Variants in CAMK4 observed in about 807,000 individuals in gnomAD.
The protein encoded by CAMK4 is calcium/calmodulin-dependent protein kinase type IV.
A neutral mutation model predicts 44.9 loss-of-function variants in CAMK4; 22 were observed. The observed-to-expected ratio is 0.49, with a 90% CI of 0.35 to 0.70. The LOEUF (loss-of-function observed/expected upper bound fraction) is 0.70, where lower values mean the gene tolerates loss of function less well. Among genes scored for constraint, CAMK4 ranks in the 30% least tolerant of loss-of-function variants. CAMK4 has a pLI of 0.01. For synonymous variants in CAMK4, 218 were observed against 215.4 expected (o/e 1.01, Z -0.11); for missense variants, 498 against 586.8 (o/e 0.85, Z 1.56).
intron 7 of CAMK4, among the ~76,000 whole-genome samples, chr5:111,461,730 G>A (rs1754648337): frequency 7.0e-6 from 1 of 142,502 alleles, no homozygotes; most frequent in African/African-American, 2.6e-5. Context: ...GCACAGTTTA[G>A]AGAGACTCTA....
intron 1 of CAMK4, among the ~76,000 whole-genome samples, chr5:111,322,125 T>C (rs1276303661): frequency 1.3e-5 from 2 of 152,080 alleles, no homozygotes; most frequent in African/African-American, 4.8e-5. Context: ...TAAAGGGCTG[T>C]GATCATTGAG....
intron 5 of CAMK4, among the ~76,000 whole-genome samples, chr5:111,409,327 G>A (rs1378841422): frequency 6.6e-6 from 1 of 152,210 alleles, no homozygotes; most frequent in Non-Finnish European, 1.5e-5. Context: ...AAGGCTTGGG[G>A]CTTGCACCTT....
chr5:111,358,613 T>C (rs1237454113), intron 2 of CAMK4, among the ~76,000 whole-genome samples: 1 of 151,820 alleles, frequency 6.6e-6, no homozygotes, highest in Non-Finnish European at 1.5e-5. Context: ...TGCAGGTTTG[T>C]TATGTAGGTA....
chr5:111,375,262 G>T (rs1167842408), intron 3 of CAMK4, among the ~76,000 whole-genome samples: 1 of 152,134 alleles, frequency 6.6e-6, no homozygotes, highest in African/African-American at 2.4e-5. Flanking sequence ...GAAAAAGCCT[G>T]TGAAGAAAAT....
intron 7 of CAMK4, among the ~76,000 whole-genome samples, chr5:111,462,214 T>C (rs1754669154): frequency 6.6e-6 from 1 of 152,246 alleles, no homozygotes; most frequent in Non-Finnish European, 1.5e-5. Flanking sequence ...CTCTAGATCC[T>C]CTACATCTCA....
chr5:111,246,118 A>G (rs1407048554), intron 1 of CAMK4, among the ~76,000 whole-genome samples: 1 of 152,194 alleles, frequency 6.6e-6, no homozygotes, highest in Non-Finnish European at 1.5e-5. Context: ...GCAAGTCACC[A>G]CAGCTTTCAT....
At chr5:111,236,693 T>C (rs1317178674) in intron 1 of CAMK4, among the ~76,000 whole-genome samples, 1 of 152,194 alleles carries the variant, frequency 6.6e-6, no homozygotes, top group Non-Finnish European at 1.5e-5. Flanking sequence ...AGGTAGAAAG[T>C]TTCTGCCCTT....
At chr5:111,273,867 T>G (rs1750648026) in intron 1 of CAMK4, among the ~76,000 whole-genome samples, 1 of 151,614 alleles carries the variant, frequency 6.6e-6, no homozygotes, top group Non-Finnish European at 1.5e-5. Context: ...AACAGCTATG[T>G]ATTGTTCTGC....
At position 111,463,627 on chromosome 5, in the gene CAMK4, A is replaced by G. The variant is rs528787496; in HGVS notation, c.626-9684A>G. Among the ~76,000 whole-genome samples, 7 of 152,340 alleles carry G rather than the reference A, an allele frequency of 4.6e-5. No individual in the cohort carries two copies. The East Asian group carries it at 1.2e-3, about 25-fold the overall frequency. On this transcript the variant is annotated intron_variant, in intron 7 of 10. Transcript: ENST00000282356. ...CACCTCCACTGGAGCAGGTGCTGCT[A>G]TACATGGCTGAGAGACCTGAAGATG... is the stretch of plus-strand genomic sequence containing the variant.
At chr5:111,378,543 A>G (rs1751299820) in intron 4 of CAMK4, among the ~76,000 whole-genome samples, 1 of 152,164 alleles carries the variant, frequency 6.6e-6, no homozygotes, top group Non-Finnish European at 1.5e-5. Flanking sequence ...CTACATATGT[A>G]TGTGTAACAG....
At chr5:111,433,038 G>T (rs1038639141) in intron 5 of CAMK4, among the ~76,000 whole-genome samples, 1 of 152,136 alleles carries the variant, frequency 6.6e-6, no homozygotes, top group Non-Finnish European at 1.5e-5. Flanking sequence ...CAGAGAAAAT[G>T]ATTCATTTTG....
intron 1 of CAMK4, among the ~76,000 whole-genome samples, chr5:111,239,770 G>A (rs1748904519): frequency 6.6e-6 from 1 of 152,206 alleles, no homozygotes; most frequent in Non-Finnish European, 1.5e-5. Context: ...TGTCTGTAAA[G>A]GTGGAGGGAT....
At chr5:111,229,843 G>A (rs951212049) in intron 1 of CAMK4, among the ~76,000 whole-genome samples, 1 of 152,198 alleles carries the variant, frequency 6.6e-6, no homozygotes, top group African/African-American at 2.4e-5. Flanking sequence ...GGGATTGCAA[G>A]TGGGAGAATA....
At position 111,485,834 on chromosome 5, in the gene CAMK4, A is replaced by C. The variant is rs1755595410; in HGVS notation, c.*1368A>C. On this transcript the variant is annotated 3_prime_UTR_variant, in exon 11 of 11. Transcript: ENST00000282356. ...TTAATTTCTCTTTGACTTTCATAGA[A>C]ACACTTTCCCCTTATAGAAATTGCA... 6.6e-6 allele frequency: 1 copy of C among 152,204 alleles called. No homozygotes were observed. The highest frequency in any genetic ancestry group is 2.1e-4 in the South Asian group (1 of 4,828). 9.4% of individuals were successfully genotyped at this position (152,204 alleles called of 1,614,324 possible). A position where few individuals can be genotyped will look rare whatever the true frequency, so the allele number is the denominator to read the frequency against.
chr5:111,432,304 A>G (rs1057404682), intron 5 of CAMK4, among the ~76,000 whole-genome samples: 18 of 152,114 alleles, frequency 1.2e-4, no homozygotes, highest in African/African-American at 3.9e-4. Flanking sequence ...TAAAAATCAA[A>G]TCAATTGAAC....
chr5:111,332,770 C>G lies in CAMK4; in HGVS notation c.162-11254C>G, dbSNP rs182890158. Among the ~76,000 whole-genome samples, 31 of 151,554 alleles carry G rather than the reference C, an allele frequency of 2.0e-4. No homozygotes were observed. The East Asian group carries it at 6.1e-3, about 30-fold the overall frequency. Reference sequence around the variant, plus strand: ...TTACAACATTGGTGCTTTTACTTCTCAATTAAAAAGATTTCCCATAGACAG... The same window carrying G: ...TTACAACATTGGTGCTTTTACTTCTGAATTAAAAAGATTTCCCATAGACAG... On this transcript the variant is annotated intron_variant, in intron 1 of 10. Transcript: ENST00000282356.
At chr5:111,391,980 A>T (rs575627866) in intron 4 of CAMK4, among the ~76,000 whole-genome samples, 2 of 152,304 alleles carry the variant, frequency 1.3e-5, no homozygotes, top group South Asian at 2.1e-4. Context: ...TCCTCCTGCT[A>T]CTTTGAAATA....
chr5:111,310,238 C>T (rs1051511205), intron 1 of CAMK4, among the ~76,000 whole-genome samples: 9 of 152,304 alleles, frequency 5.9e-5, no homozygotes, highest in African/African-American at 2.2e-4. Flanking sequence ...GTTTCTACCT[C>T]CTCACCTCCA....
At chr5:111,333,656 A>G (rs1749273330) in intron 1 of CAMK4, among the ~76,000 whole-genome samples, 1 of 151,610 alleles carries the variant, frequency 6.6e-6, no homozygotes, top group Non-Finnish European at 1.5e-5. Context: ...GCCAATGCTT[A>G]TGGAGATCCA....
Sources: allele counts gnomAD v4.1 joint callset (sites outside exome capture counted in the v4.1 genomes callset), GRCh38; gene constraint gnomAD v4.1.1; transcripts MANE v1.5; gene names NCBI Gene and HGNC (gene_info 2026-07-23, HGNC 2026-07-21).